Variants in ANKRD30B observed in about 807,000 individuals in gnomAD.
ANKRD30B encodes the protein ankyrin repeat domain-containing protein 30B.
ANKRD30B carries 144 observed loss-of-function variants against 202.2 expected under a neutral mutation model. That is an observed-to-expected ratio of 0.71 (90% confidence interval 0.62 to 0.82). ANKRD30B has a LOEUF of 0.82. Ranked by LOEUF, ANKRD30B falls within the 40% of genes least tolerant of loss-of-function variation. The probability of loss-of-function intolerance (pLI) is 0.00; values close to 1 mark genes in which losing one functional copy is unlikely to be tolerated. For synonymous variants in ANKRD30B, 508 were observed against 561.3 expected, an observed-to-expected ratio of 0.91 and a Z score of 1.34; for missense variants, 1,487 against 1,669.1, an observed-to-expected ratio of 0.89 and a Z score of 1.90.
chr18:14,904,073 G>GC, the ANKRD30B span, among the ~76,000 whole-genome samples: 1 of 152,306 alleles, frequency 6.6e-6, no homozygotes, highest in Non-Finnish European at 1.5e-5. Flanking sequence ...ATAATCCTGA[G>GC]CCCCAACATG....
chr18:14,860,545 G>T, the ANKRD30B span, among the ~76,000 whole-genome samples: 1 of 148,924 alleles, frequency 6.7e-6, no homozygotes, highest in Non-Finnish European at 1.5e-5. Context: ...AGGTGGCCGG[G>T]CAGAGGCGTT....
In ANKRD30B at chr18:14,809,314, AAC is replaced by A. The variant is rs1332542057; in HGVS notation, c.2386+574_2386+575del. Among the ~76,000 whole-genome samples the A allele has an allele frequency of 8.6e-5, 13 of 151,178 alleles. No individual in the cohort carries two copies. In the Middle Eastern group the frequency reaches 0.014, roughly 160 times the overall value. On this transcript the variant is annotated intron_variant, in intron 26 of 43. Coordinates refer to ENST00000690538, the MANE Select transcript of ANKRD30B (RefSeq NM_001367607.2). ...ATTTCTAACAGAGCCTTAAAAAAGA[AAC>A]ACAGTCTTTCCATAACCTATGATTA...
the ANKRD30B span, among the ~76,000 whole-genome samples, chr18:14,880,622 A>G: frequency 2.7e-5 from 4 of 145,728 alleles, no homozygotes; most frequent in South Asian, 2.2e-4. Context: ...TGGGAGTGCA[A>G]TGGTGTGATC....
chr18:14,804,540 C>A (rs1385922695), intron 24 of ANKRD30B, among the ~76,000 whole-genome samples: 1 of 150,162 alleles, frequency 6.7e-6, no homozygotes, highest in East Asian at 1.9e-4. Flanking sequence ...AGTTGTCAGG[C>A]GATGCTGATG....
At chr18:14,837,174 T>A in intron 34 of ANKRD30B, 37 bp from the exon 35 acceptor site, 1 of 1,414,890 alleles carries the variant, frequency 7.1e-7, no homozygotes, top group Non-Finnish European at 9.6e-7. Context: ...CTGAAGTTTT[T>A]TTTTTGTGTT....
the ANKRD30B span, among the ~76,000 whole-genome samples, chr18:14,900,749 C>T: frequency 6.6e-6 from 1 of 152,170 alleles, no homozygotes; most frequent in Non-Finnish European, 1.5e-5. Context: ...TTCCAAAAGT[C>T]TTCCATAAAA....
At chr18:14,806,894 T>G (rs1236406196) in intron 24 of ANKRD30B, among the ~76,000 whole-genome samples, 3 of 150,920 alleles carry the variant, frequency 2.0e-5, no homozygotes, top group Admixed American at 6.6e-5. Context: ...TATATACGAA[T>G]TTCTGAGGTT....
the ANKRD30B span, among the ~76,000 whole-genome samples, chr18:14,869,114 C>T: frequency 1.3e-5 from 2 of 152,136 alleles, no homozygotes; most frequent in African/African-American, 4.8e-5. Context: ...TCTAAATGGT[C>T]GCCTCTTGTT....
the ANKRD30B span, chr18:14,883,457 A>G: frequency 5.5e-5 from 8 of 145,526 alleles, no homozygotes; most frequent in East Asian, 1.6e-3. Context: ...GTATATATCT[A>G]TATATCTATA....
the ANKRD30B span, among the ~76,000 whole-genome samples, chr18:14,898,816 A>G: frequency 6.6e-6 from 1 of 152,190 alleles, no homozygotes; most frequent in Non-Finnish European, 1.5e-5. Flanking sequence ...AGAATAAATC[A>G]ATACCATTTC....
At position 14,796,223 on chromosome 18, in the gene ANKRD30B, T is replaced by A. The variant is rs143918547; in HGVS notation, c.1828T>A (p.Ser610Thr). The A allele has an allele frequency of 1.7e-4, 268 of 1,597,900 alleles. 2 individuals are homozygous for A. The African/African-American group carries it at 3.1e-3, about 19-fold the overall frequency. ...TATATATGTCCCTTTACGTTTAGAG[T>A]CTCCTGTTAAAGATGGTCTTCTGAA... Reference protein sequence around the residue: ...FDTLSGKLEESPVKDGLLKPT... With the variant: ...FDTLSGKLEETPVKDGLLKPT... Residue 610 changes from serine (S) to threonine (T), a missense_variant and splice_region_variant, in exon 17 of 44, where the codon TCT (serine) becomes ACT (threonine). By Grantham distance (58) the Ser-to-Thr change is moderately conservative. Coordinates refer to ENST00000690538, the MANE Select transcript of ANKRD30B (RefSeq NM_001367607.2).
At position 14,848,703 on chromosome 18, in the gene ANKRD30B, C is replaced by G; in HGVS notation, c.3182-13C>G. 1 of 1,486,144 alleles carries G rather than the reference C, an allele frequency of 6.7e-7. No individual in the cohort carries two copies. Among genetic ancestry groups the G allele is most frequent in the African/African-American group, 1.4e-5 (1 of 70,036 alleles). 92.1% of individuals were successfully genotyped at this position (1,486,144 alleles called of 1,614,324 possible). ...TACTAATATATTTTATTTCTATCTCCTCCTTGAGACAGATTCAACTACCCT... is the reference window on the plus strand; with the variant it reads ...TACTAATATATTTTATTTCTATCTCGTCCTTGAGACAGATTCAACTACCCT... On this transcript the variant is annotated splice_polypyrimidine_tract_variant and intron_variant, in intron 39 of 43. Coordinates refer to ENST00000690538, the MANE Select transcript of ANKRD30B (RefSeq NM_001367607.2).
Position 14,852,247 on chromosome 18 carries a change from C to T in ANKRD30B, c.4303C>T (p.Gln1435Ter). The T allele has an allele frequency of 6.4e-7, 1 of 1,560,024 alleles. No homozygotes were observed. Among genetic ancestry groups the T allele is most frequent in the Non-Finnish European group, 8.7e-7 (1 of 1,151,478 alleles). ...AAGCAAAAATAGGTGGCTTCGACAG[C>T]AATTAGTTTATGCACATAAGAAAGT... ...LESKNRWLRQ[Q>*]LVYAHKKVNK... The change falls in exon 42 of 44, where the codon CAA (glutamine) becomes TAA (stop). Residue 1435 changes from glutamine (Q) to a stop codon, truncating the protein, a stop_gained. Transcript: ENST00000690538. LOFTEE classifies it high-confidence loss of function.
intron 32 of ANKRD30B, among the ~76,000 whole-genome samples, chr18:14,825,592 C>T (rs865896717): frequency 1.1e-4 from 17 of 151,810 alleles, no homozygotes; most frequent in Middle Eastern, 3.4e-3. Context: ...AGGCTGTTTT[C>T]AGCCAAATCA....
At chr18:14,936,724 C>T in the ANKRD30B span, among the ~76,000 whole-genome samples, 1 of 152,184 alleles carries the variant, frequency 6.6e-6, no homozygotes, top group African/African-American at 2.4e-5. Flanking sequence ...CCACCATTTC[C>T]TGAAAGCCTA....
chr18:14,774,547 G>C (rs770595451), intron 9 of ANKRD30B, among the ~76,000 whole-genome samples: 4 of 151,808 alleles, frequency 2.6e-5, no homozygotes, highest in South Asian at 2.1e-4. Flanking sequence ...TTTTTTCTCT[G>C]TTTCTTGGAA....
At chr18:14,788,278 G>C (rs529347793) in intron 15 of ANKRD30B, among the ~76,000 whole-genome samples, 6 of 152,152 alleles carry the variant, frequency 3.9e-5, no homozygotes, top group African/African-American at 1.4e-4. Flanking sequence ...AAATATGCAC[G>C]TGTGAATTTT....
At chr18:14,894,163 A>G in the ANKRD30B span, among the ~76,000 whole-genome samples, 4 of 152,208 alleles carry the variant, frequency 2.6e-5, no homozygotes, top group Admixed American at 2.0e-4. Flanking sequence ...TAATTCATGA[A>G]TTTATCTAAA....
rs35342650 is a variant in ANKRD30B at position 14,797,947 on chromosome 18, T to A, written c.2029+93T>A. On this transcript the variant is annotated intron_variant, in intron 20 of 43. Transcript: ENST00000690538. The stretch of plus-strand genomic sequence containing the variant: ...TTTTATTCCCAATGTTGTTTTCTTT[T>A]GAAAATTTGATGGGAAAATTTGATA... 1.6e-3 allele frequency: 1,882 copies of A among 1,199,358 alleles called. 7 individuals are homozygous for A. Among genetic ancestry groups the A allele is most frequent in the Non-Finnish European group, 1.4e-3 (1,189 of 864,134 alleles). 74.3% of individuals were successfully genotyped at this position (1,199,358 alleles called of 1,614,324 possible).
Sources: allele counts gnomAD v4.1 joint callset (sites outside exome capture counted in the v4.1 genomes callset), GRCh38; gene constraint gnomAD v4.1.1; transcripts MANE v1.5; gene names NCBI Gene and HGNC (gene_info 2026-07-23, HGNC 2026-07-21).